The following SHANK2 variants were observed in gnomAD, a reference collection of about 807,000 sequenced individuals.
The protein encoded by SHANK2 is SH3 and multiple ankyrin repeat domains protein 2.
A neutral mutation model predicts 133.7 loss-of-function variants in SHANK2; 43 were observed. The ratio of observed to expected loss-of-function variants is 0.32; its 90% CI spans 0.25 to 0.41. The LOEUF (loss-of-function observed/expected upper bound fraction) is 0.41. Ranked by LOEUF, SHANK2 falls within the 10% of genes least tolerant of loss-of-function variation. SHANK2 has a pLI of 1.00. For synonymous variants in SHANK2, 1,017 were observed against 952.8 expected (o/e 1.07, Z -1.24); for missense variants, 1,994 against 2,235.8 (o/e 0.89, Z 2.18).
chr11:70,804,070 C>T lies in SHANK2; in HGVS notation c.1663+2932G>A, dbSNP rs891666015. On this transcript the variant is annotated intron_variant, in intron 13 of 25. Transcript: ENST00000601538. This position sits in a 1 kb window ranked among gnomAD's most constrained non-coding sequence, Gnocchi z 4.1. The stretch of plus-strand genomic sequence containing the variant: ...CCTGGGGCCCGTCACAGCCACCCTG[C>T]CTGCCTGCTGCCCAGACCCGACTTC... Among the ~76,000 whole-genome samples the T allele has an allele frequency of 9.9e-5, 15 of 152,272 alleles. No individual in the cohort carries two copies. Among genetic ancestry groups the T allele is most frequent in the Middle Eastern group, 6.8e-3 (2 of 294 alleles).
Position 70,579,511 on chromosome 11 carries a change from A to C in SHANK2, c.2062-76580T>G, listed in dbSNP as rs1277614158. The stretch of plus-strand genomic sequence containing the variant: ...TATGAATGTAAGACAGGCATGGATG[A>C]GGCTGGGCCCCAGGTGGCATCTCCC... On this transcript the variant is annotated intron_variant, in intron 17 of 25. Coordinates refer to ENST00000601538, the MANE Select transcript of SHANK2 (RefSeq NM_012309.5). Among the ~76,000 whole-genome samples the C allele has an allele frequency of 2.0e-5, 3 of 152,106 alleles. No individual in the cohort carries two copies. In the East Asian group the frequency reaches 5.8e-4, roughly 29 times the overall value.
rs541728537 is a variant in SHANK2, at chr11:70,907,197, AGAG to A, written c.1108-10633_1108-10631del. Among the ~76,000 whole-genome samples, 543 of 152,352 alleles carry A rather than the reference AGAG, an allele frequency of 3.6e-3. 1 individual carries two copies. The highest frequency in any genetic ancestry group is 6.9e-3 in the Non-Finnish European group (470 of 68,028). Reference sequence around the variant, plus strand: ...GGTGACCCAGTGAGCCTCCCAGGTTAGAGGAAGACCCTGAGCATTTGAGTAAGA... The same window carrying A: ...GGTGACCCAGTGAGCCTCCCAGGTTAGAAGACCCTGAGCATTTGAGTAAGA... On this transcript the variant is annotated intron_variant, in intron 10 of 25. Coordinates refer to ENST00000601538, the MANE Select transcript of SHANK2 (RefSeq NM_012309.5).
chr11:71,196,671 T>C (rs2135601641), intron 2 of SHANK2, among the ~76,000 whole-genome samples: 1 of 150,420 alleles, frequency 6.6e-6, no homozygotes. Flanking sequence ...AAACCAGGGG[T>C]CTCCCTGCAT....
At chr11:70,784,981 G>T (rs1555046119) in intron 14 of SHANK2, among the ~76,000 whole-genome samples, 2 of 152,214 alleles carry the variant, frequency 1.3e-5, no homozygotes, top group African/African-American at 4.8e-5. Context: ...TCAGCTTTTG[G>T]TCCCAGGTCC....
chr11:70,914,667 A>ATAAAT (rs1376710095), intron 10 of SHANK2, among the ~76,000 whole-genome samples: 1 of 14,874 alleles, frequency 6.7e-5, no homozygotes, highest in Admixed American at 9.8e-4. Flanking sequence ...TACAAAAAAA[A>ATAAAT]TAAATAAAAT....
intron 17 of SHANK2, among the ~76,000 whole-genome samples, chr11:70,518,513 G>T (rs2059292836): frequency 6.6e-6 from 1 of 152,198 alleles, no homozygotes. Context: ...GTCACATCTG[G>T]CTGGCACGTC....
intron 14 of SHANK2, among the ~76,000 whole-genome samples, chr11:70,723,664 A>G (rs1488625111): frequency 2.0e-5 from 3 of 152,170 alleles, no homozygotes; most frequent in South Asian, 4.2e-4. Flanking sequence ...TAATATTGTC[A>G]TGCAGCAACA....
chr11:71,169,710 C>T (rs1362937074), intron 2 of SHANK2, among the ~76,000 whole-genome samples: 2 of 144,848 alleles, frequency 1.4e-5, no homozygotes, highest in Non-Finnish European at 3.0e-5. Flanking sequence ...GAGATCGTAC[C>T]ACTGCAGCAG....
chr11:71,219,500 C>T (rs1168548734), intron 2 of SHANK2, among the ~76,000 whole-genome samples: 7 of 152,158 alleles, frequency 4.6e-5, no homozygotes, highest in African/African-American at 1.7e-4. Flanking sequence ...TAAAAACATG[C>T]TCCACATCAC....
At chr11:70,954,732 G>A (rs1353165373) in intron 10 of SHANK2, among the ~76,000 whole-genome samples, 2 of 152,238 alleles carry the variant, frequency 1.3e-5, no homozygotes, top group African/African-American at 4.8e-5. Flanking sequence ...CTTAGCCTGT[G>A]GCGATGCTGG....
chr11:70,685,414 C>T (rs183569023), intron 15 of SHANK2, among the ~76,000 whole-genome samples: 4 of 152,224 alleles, frequency 2.6e-5, no homozygotes, highest in Non-Finnish European at 5.9e-5. Context: ...ATTAGACCAC[C>T]GAGCCAGCCT....
At chr11:70,815,210 ACACACACACACACACACACACACACAC>A (rs1555054035) in intron 12 of SHANK2, among the ~76,000 whole-genome samples, 1 of 142,514 alleles carries the variant, frequency 7.0e-6, no homozygotes, top group Non-Finnish European at 1.6e-5. Context: ...ACACACACAC[ACACACACACACACACACACACACACAC>A]GAAAATGAGA....
At chr11:70,713,574 C>T (rs1945842140) in intron 14 of SHANK2, among the ~76,000 whole-genome samples, 1 of 152,192 alleles carries the variant, frequency 6.6e-6, no homozygotes, top group Non-Finnish European at 1.5e-5. Context: ...TTGCATGTTC[C>T]ACTGATCATC....
chr11:71,194,978 G>C (rs1555115978), intron 2 of SHANK2, among the ~76,000 whole-genome samples: 1 of 152,210 alleles, frequency 6.6e-6, no homozygotes, highest in South Asian at 2.1e-4. Context: ...ATCCCAATAA[G>C]GCTTAAACCT....
chr11:70,753,942 G>A (rs1555038037), intron 14 of SHANK2, among the ~76,000 whole-genome samples: 6 of 151,882 alleles, frequency 4.0e-5, no homozygotes. Context: ...CTCCTCAGCA[G>A]CTAAGATTAC....
At chr11:70,586,796 G>A (rs552140384) in intron 17 of SHANK2, among the ~76,000 whole-genome samples, 41 of 152,292 alleles carry the variant, frequency 2.7e-4, no homozygotes, top group African/African-American at 7.5e-4. Context: ...ACCGCTCCCC[G>A]GAACGGGGAA....
intron 15 of SHANK2, chr11:70,698,009 C>T (rs1338711176): frequency 2.6e-5 from 4 of 152,966 alleles, no homozygotes; most frequent in Non-Finnish European, 5.8e-5. Context: ...CAGGACACCT[C>T]CCCTGCCCAG....
chr11:70,524,191 C>T (rs1554971679), intron 17 of SHANK2, among the ~76,000 whole-genome samples: 1 of 152,202 alleles, frequency 6.6e-6, no homozygotes, highest in African/African-American at 2.4e-5. Flanking sequence ...TGGGTCCTCC[C>T]CTCTCTACCA....
chr11:70,542,111 A>G (rs554470467), intron 17 of SHANK2, among the ~76,000 whole-genome samples: 3 of 152,374 alleles, frequency 2.0e-5, no homozygotes, highest in Non-Finnish European at 2.9e-5. Context: ...AGAAGTTACA[A>G]AAACAGACTA....
Sources: gnomAD v4.1 joint callset for allele counts (sites outside exome capture counted in the v4.1 genomes callset) on GRCh38, gnomAD v4.1.1 for gene constraint, Gnocchi (gnomAD v3.1) non-coding constraint, MANE v1.5 for transcripts, NCBI Gene and HGNC (gene_info 2026-07-23, HGNC 2026-07-21) for gene names.